CPNE5: variants seen among roughly 807,000 people sequenced by gnomAD.
CPNE5 encodes the protein copine-5.
In CPNE5, 42 loss-of-function variants were observed where a neutral mutation model predicts 81.1. The observed-to-expected ratio is 0.52, with a 90% CI of 0.40 to 0.67. CPNE5 has a LOEUF of 0.67. Among genes scored for constraint, CPNE5 ranks in the 30% least tolerant of loss-of-function variants. The pLI is 0.00. For missense variants in CPNE5, 612 were observed against 815.5 expected (o/e 0.75, Z 3.04); for synonymous variants, 313 against 321.5 (o/e 0.97, Z 0.28).
rs372035188 is a variant in CPNE5 at position 36,794,643 on chromosome 6, G to A, written c.411C>T (p.Gly137=). 26 of 1,613,744 alleles carry A rather than the reference G, an allele frequency of 1.6e-5. No individual in the cohort carries two copies. The South Asian group carries it at 2.0e-4, about 12-fold the overall frequency. ...GSRLEKPLTI[G]AFSLNSRTGK... ...CCGTCCTGGAATTCAGGCTGAATGC[G>A]CCTATCCTGTGGAGAGAGAGGGGGA... Residue 137 remains glycine (G), a synonymous_variant, in exon 7 of 21, where the codon GGC becomes GGT. Transcript: ENST00000244751.
intron 12 of CPNE5, among the ~76,000 whole-genome samples, chr6:36,758,369 C>T (rs1765690342): frequency 6.6e-6 from 1 of 151,386 alleles, no homozygotes. Context: ...GCCTCAACCT[C>T]CCGGGCTCAA....
At chr6:36,823,264 G>A (rs1299480675) in intron 1 of CPNE5, among the ~76,000 whole-genome samples, 166 bp from the exon 2 acceptor site, 1 of 151,936 alleles carries the variant, frequency 6.6e-6, no homozygotes, top group Non-Finnish European at 1.5e-5. Flanking sequence ...CACTGGGCAG[G>A]CCCTGGAGGT....
chr6:36,764,067 T>G (rs1766316255), intron 11 of CPNE5, among the ~76,000 whole-genome samples: 4 of 151,840 alleles, frequency 2.6e-5, no homozygotes, highest in African/African-American at 9.7e-5. Context: ...CCAAGAGGTG[T>G]CCCTGGGGCC....
rs558762018 is a variant in CPNE5 at position 36,811,079 on chromosome 6, CG to C, written c.184-11010del. ...AATCTGTTCAATCATCCCAGCTCCT[CG>C]GGGAACGGGGAACGACCCTTTACCA... On this transcript the variant is annotated intron_variant, in intron 3 of 20. Transcript: ENST00000244751. 3.9e-5 allele frequency among the ~76,000 whole-genome samples: 6 copies of C among 152,298 alleles called. No homozygotes were observed. In the South Asian group the frequency reaches 8.3e-4, roughly 21 times the overall value.
chr6:36,797,202 G>A (rs1030299609), intron 6 of CPNE5, among the ~76,000 whole-genome samples: 15 of 152,174 alleles, frequency 9.9e-5, no homozygotes, highest in African/African-American at 3.6e-4. Flanking sequence ...CACCGTGCCC[G>A]GTTCACACTG....
chr6:36,785,616 C>T (rs914401936), intron 8 of CPNE5, among the ~76,000 whole-genome samples: 6 of 152,024 alleles, frequency 3.9e-5, no homozygotes, highest in Admixed American at 2.6e-4. Flanking sequence ...TACCTGGAAC[C>T]CCAGCTACTC....
chr6:36,793,531 A>G (rs1769283811), intron 7 of CPNE5, among the ~76,000 whole-genome samples: 1 of 151,876 alleles, frequency 6.6e-6, no homozygotes, highest in African/African-American at 2.4e-5. Flanking sequence ...TTTGCCTCTG[A>G]GTCCTTCTTC....
At chr6:36,775,181 G>A (rs1282647161) in intron 9 of CPNE5, 116 bp from the exon 10 acceptor site, 1 of 733,352 alleles carries the variant, frequency 1.4e-6, no homozygotes, top group Non-Finnish European at 2.4e-6. Flanking sequence ...CGGAAATGAT[G>A]GCTTCAAAAG....
chr6:36,825,606 A>T (rs992177196), intron 1 of CPNE5, among the ~76,000 whole-genome samples: 4 of 152,240 alleles, frequency 2.6e-5, no homozygotes, highest in Admixed American at 2.6e-4. Flanking sequence ...AGAGAGCATC[A>T]GATGAACGAT....
At chr6:36,820,017 C>T (rs374852637) in intron 3 of CPNE5, among the ~76,000 whole-genome samples, 2 of 152,252 alleles carry the variant, frequency 1.3e-5, no homozygotes, top group Non-Finnish European at 2.9e-5. Context: ...CACATCCCAC[C>T]TCGCACCATG....
upstream of CPNE5, chr6:36,839,452 T>C: frequency 1.6e-6 from 2 of 1,280,984 alleles, no homozygotes; most frequent in South Asian, 1.5e-5. This position sits in a 1 kb window ranked among gnomAD's most constrained non-coding sequence, Gnocchi z 7.3. Context: ...ACTGGAGCCC[T>C]GGGCTCTCCC....
intron 13 of CPNE5, 110 bp from the exon 14 acceptor site, chr6:36,753,205 G>A (rs1765035651): frequency 1.3e-6 from 1 of 795,218 alleles, no homozygotes; most frequent in Non-Finnish European, 2.2e-6. Flanking sequence ...AGTTTTGCAT[G>A]CATGACTGCA....
At chr6:36,776,026 T>C (rs999343965) in intron 9 of CPNE5, among the ~76,000 whole-genome samples, 2 of 152,244 alleles carry the variant, frequency 1.3e-5, no homozygotes, top group African/African-American at 4.8e-5. Flanking sequence ...TCTGAATCCA[T>C]GAACCTGTTT....
intron 3 of CPNE5, among the ~76,000 whole-genome samples, chr6:36,809,252 T>G (rs1315115318): frequency 1.6e-4 from 23 of 144,584 alleles, no homozygotes; most frequent in Admixed American, 1.2e-3. Flanking sequence ...GAGAGAGAGA[T>G]TGAGAGAGAG....
At chr6:36,760,361 C>G (rs1562105860) in intron 12 of CPNE5, among the ~76,000 whole-genome samples, 1 of 152,150 alleles carries the variant, frequency 6.6e-6, no homozygotes, top group Non-Finnish European at 1.5e-5. Context: ...CTCTTCCCAC[C>G]TCCCATGTGC....
chr6:36,838,772 A>G, intron 1 of CPNE5: 1 of 984,336 alleles, frequency 1.0e-6, no homozygotes, highest in Non-Finnish European at 1.2e-6. Flanking sequence ...AAGGCTTTAA[A>G]ATCCTAGAGT....
chr6:36,782,719 G>C (rs1309379618), intron 8 of CPNE5, among the ~76,000 whole-genome samples: 1 of 152,030 alleles, frequency 6.6e-6, no homozygotes, highest in Non-Finnish European at 1.5e-5. Context: ...GCTAGAACCT[G>C]GGAGGTGGAG....
chr6:36,824,536 C>T (rs141788241), intron 1 of CPNE5, among the ~76,000 whole-genome samples: 85 of 152,354 alleles, frequency 5.6e-4, no homozygotes, highest in Admixed American at 4.4e-3. Flanking sequence ...AGGATCTTGT[C>T]ACCTTCCTTC....
intron 8 of CPNE5, among the ~76,000 whole-genome samples, chr6:36,788,034 CTT>C (rs761359601): frequency 1.9e-4 from 26 of 138,172 alleles, no homozygotes; most frequent in African/African-American, 2.4e-4. Flanking sequence ...CCTACCTTTT[CTT>C]TTTTTTTTTT....
Sources: gnomAD v4.1 joint callset for allele counts (sites outside exome capture counted in the v4.1 genomes callset) on GRCh38, gnomAD v4.1.1 for gene constraint, Gnocchi (gnomAD v3.1) non-coding constraint, MANE v1.5 for transcripts, NCBI Gene and HGNC (gene_info 2026-07-23, HGNC 2026-07-21) for gene names.